The following STK32C variants were observed in gnomAD, a reference collection of about 807,000 sequenced individuals.
STK32C encodes the protein serine/threonine-protein kinase 32C.
A neutral mutation model predicts 56.5 loss-of-function variants in STK32C; 31 were observed. The ratio of observed to expected loss-of-function variants is 0.55; its 90% CI spans 0.41 to 0.74. The LOEUF is 0.74. Ranked by LOEUF, STK32C falls within the 30% of genes least tolerant of loss-of-function variation. The probability of loss-of-function intolerance (pLI) is 0.00; values close to 1 mark genes in which losing one functional copy is unlikely to be tolerated. For synonymous variants in STK32C, 309 were observed against 289.4 expected (o/e 1.07, Z -0.69); for missense variants, 544 against 676.9 (o/e 0.80, Z 2.18).
At chr10:132,211,113 G>C (rs1249003831) in intron 10 of STK32C, among the ~76,000 whole-genome samples, 3 of 152,192 alleles carry the variant, frequency 2.0e-5, no homozygotes, top group African/African-American at 7.2e-5. Context: ...TCACGATCCT[G>C]GCAGGGGACC....
At chr10:132,248,979 G>C in intron 1 of STK32C, 4 of 457,834 alleles carry the variant, frequency 8.7e-6, no homozygotes, top group South Asian at 1.5e-5. Flanking sequence ...TAAATAACAA[G>C]TCAGAAGCAT....
chr10:132,228,246 G>T, intron 2 of STK32C, 118 bp from the exon 3 acceptor site: 1 of 1,335,816 alleles, frequency 7.5e-7, no homozygotes. Context: ...GGGACACCTG[G>T]GGACGCGCCG....
At chr10:132,282,457 G>A (rs886240434) in intron 1 of STK32C, among the ~76,000 whole-genome samples, 15 of 122,444 alleles carry the variant, frequency 1.2e-4, no homozygotes, top group African/African-American at 3.7e-4. Context: ...ACCCACCTGT[G>A]CCTGCGCCCA....
At chr10:132,229,471 G>A (rs1006562435) in intron 2 of STK32C, among the ~76,000 whole-genome samples, 1 of 152,224 alleles carries the variant, frequency 6.6e-6, no homozygotes, top group Non-Finnish European at 1.5e-5. Flanking sequence ...AACTCAGCCT[G>A]GGTGACAGGG....
intron 1 of STK32C, among the ~76,000 whole-genome samples, chr10:132,279,201 T>G (rs1262528298): frequency 6.6e-6 from 1 of 152,186 alleles, no homozygotes; most frequent in Non-Finnish European, 1.5e-5. Flanking sequence ...AAGACCGATG[T>G]GCAGTGACTT....
chr10:132,246,009 A>G, intron 1 of STK32C, 54 bp from the exon 2 acceptor site: 3 of 1,555,092 alleles, frequency 1.9e-6, no homozygotes, highest in Non-Finnish European at 2.7e-6. Flanking sequence ...GCCCCACCCC[A>G]GAGCAGCTCC....
chr10:132,242,536 C>A (rs931613045), intron 2 of STK32C, among the ~76,000 whole-genome samples: 1 of 151,924 alleles, frequency 6.6e-6, no homozygotes, highest in African/African-American at 2.4e-5. Flanking sequence ...GAGGGACCCT[C>A]CCCCGGGAGA....
At chr10:132,254,091 C>G (rs1017478013) in intron 1 of STK32C, among the ~76,000 whole-genome samples, 9 of 152,170 alleles carry the variant, frequency 5.9e-5, no homozygotes, top group African/African-American at 2.2e-4. Context: ...AGGTGGATCA[C>G]GAGGTCAGGA....
At chr10:132,230,857 G>A (rs994300810) in intron 2 of STK32C, among the ~76,000 whole-genome samples, 3 of 152,326 alleles carry the variant, frequency 2.0e-5, no homozygotes, top group East Asian at 3.9e-4. Flanking sequence ...TCCTGCTCAC[G>A]ATGCAGCTCA....
At chr10:132,217,331 C>T (rs549170880) in intron 10 of STK32C, among the ~76,000 whole-genome samples, 1 of 152,322 alleles carries the variant, frequency 6.6e-6, no homozygotes, top group African/African-American at 2.4e-5. Context: ...CAATTTCTCC[C>T]ATTTGGAATG....
intron 2 of STK32C, among the ~76,000 whole-genome samples, chr10:132,244,748 G>A (rs1246140352): frequency 6.6e-6 from 1 of 152,190 alleles, no homozygotes; most frequent in African/African-American, 2.4e-5. Flanking sequence ...ACTCCATCCT[G>A]CCTGCCCCTC....
At chr10:132,253,388 TAGCTGGAGGGAGTCGAGGGAGCTGGAGGG>T (rs1273870794) in intron 1 of STK32C, among the ~76,000 whole-genome samples, 11 of 85,782 alleles carry the variant, frequency 1.3e-4, no homozygotes, top group Admixed American at 2.4e-4. Flanking sequence ...GGAGCCGAGG[TAGCTGGAGGGAGTCGAGGGAGCTGGAGGG>T]AGCTGGAGGG....
At chr10:132,282,152 G>C (rs2065231991) in intron 1 of STK32C, among the ~76,000 whole-genome samples, 1 of 152,200 alleles carries the variant, frequency 6.6e-6, no homozygotes, top group African/African-American at 2.4e-5. Context: ...CGCTACACTT[G>C]GGAAGAGCGG....
upstream of STK32C, among the ~76,000 whole-genome samples, chr10:132,309,240 C>T (rs902287792): frequency 6.6e-6 from 1 of 152,182 alleles, no homozygotes; most frequent in Non-Finnish European, 1.5e-5. Flanking sequence ...GAAATGTGAG[C>T]ACGGGAAGTC....
chr10:132,249,160 AG>A (rs1203663114), intron 1 of STK32C: 4 of 74,768 alleles, frequency 5.3e-5, no homozygotes, highest in South Asian at 6.3e-5. Flanking sequence ...CGGGGCGTGC[AG>A]GGGGCGGGGC....
intron 1 of STK32C, among the ~76,000 whole-genome samples, chr10:132,258,367 T>C (rs2064194687): frequency 6.6e-6 from 1 of 152,246 alleles, no homozygotes; most frequent in African/African-American, 2.4e-5. Context: ...GAAGAGTTCC[T>C]CACAGCCTCC....
intron 1 of STK32C, among the ~76,000 whole-genome samples, chr10:132,273,246 C>A (rs989912336): frequency 6.6e-6 from 1 of 152,158 alleles, no homozygotes; most frequent in African/African-American, 2.4e-5. Context: ...AGCGACCCCA[C>A]CAAGAGGGCA....
intron 1 of STK32C, among the ~76,000 whole-genome samples, chr10:132,318,433 T>A (rs1055617412): frequency 6.6e-6 from 1 of 151,604 alleles, no homozygotes; most frequent in Non-Finnish European, 1.5e-5. Flanking sequence ...CCAGCCAACA[T>A]AGGAAAACCT....
chr10:132,211,637 T>C (rs1183987724), intron 10 of STK32C, among the ~76,000 whole-genome samples: 1 of 152,200 alleles, frequency 6.6e-6, no homozygotes, highest in Non-Finnish European at 1.5e-5. Flanking sequence ...GGATCTGCCC[T>C]GCTCTTCCTC....
Sources: gnomAD v4.1 joint callset for allele counts (sites outside exome capture counted in the v4.1 genomes callset) on GRCh38, gnomAD v4.1.1 for gene constraint, MANE v1.5 for transcripts, NCBI Gene and HGNC (gene_info 2026-07-23, HGNC 2026-07-21) for gene names.